SERPINB9: variants seen among roughly 807,000 people sequenced by gnomAD.
SERPINB9 encodes serpin family B member 9.
A neutral mutation model predicts 27.2 loss-of-function variants in SERPINB9; 20 were observed. The ratio of observed to expected loss-of-function variants is 0.74; its 90% CI spans 0.52 to 1.07. The LOEUF is 1.07. Among genes scored for constraint, SERPINB9 ranks in the 50% least tolerant of loss-of-function variants. SERPINB9 has a pLI of 0.00. For missense variants in SERPINB9, 476 were observed against 460.1 expected, an observed-to-expected ratio of 1.03 and a Z score of -0.32; for synonymous variants, 189 against 180.0, an observed-to-expected ratio of 1.05 and a Z score of -0.40.
rs1045586645 is a variant in SERPINB9, at chr6:2,903,179, C to A, written c.-11+22G>T. On this transcript the variant is annotated intron_variant, in intron 1 of 6. Transcript: ENST00000380698. The surrounding 1 kb of genome is among the most constrained non-coding windows in gnomAD (Gnocchi z 5.2). ...TCGCCACTCCCGTCCCCTACCCCAG[C>A]CGTGCGCGGGGACGCCCTCACCTGC... The A allele has an allele frequency of 1.3e-5, 2 of 152,322 alleles. No individual in the cohort carries two copies. The highest frequency in any genetic ancestry group is 4.8e-5 in the African/African-American group (2 of 41,464). The allele number at this position is 152,322 out of a possible 1,614,324, so 9.4% of individuals were successfully genotyped here.
chr6:2,890,402 C>G lies in SERPINB9; in HGVS notation c.892G>C (p.Ala298Pro). The G allele has an allele frequency of 6.2e-7, 1 of 1,614,192 alleles. No homozygotes were observed. Among genetic ancestry groups the G allele is most frequent in the Non-Finnish European group, 8.5e-7 (1 of 1,180,044 alleles). Residue 298 changes from alanine to proline, a missense_variant, in exon 7 of 7, where the codon GCT becomes CCT. Ala to Pro is a conservative substitution (Grantham distance 27). Transcript: ENST00000380698. This position sits in a 1 kb window ranked among gnomAD's most constrained non-coding sequence, Gnocchi z 6.2. ...TCCGCTGACATTGCCGACAAGTCAGCCTTGCCCTGTTGGAAGGCATCAACA... is the reference window on the plus strand; with the variant it reads ...TCCGCTGACATTGCCGACAAGTCAGGCTTGCCCTGTTGGAAGGCATCAACA... ...GIVDAFQQGK[A>P]DLSAMSAERD...
chr6:2,893,221 A>ATATAATATATATATT (rs1373009283), intron 5 of SERPINB9, among the ~76,000 whole-genome samples, 190 bp downstream of exon 5: 3 of 141,180 alleles, frequency 2.1e-5, no homozygotes, highest in African/African-American at 5.2e-5. Flanking sequence ...ACGTATATAT[A>ATATAATATATATATT]ATATATATAT....
chr6:2,891,712 T>G lies in SERPINB9; in HGVS notation c.723+121A>C. 1.1e-5 allele frequency: 13 copies of G among 1,181,138 alleles called. No homozygotes were observed. The highest frequency in any genetic ancestry group is 1.2e-5 in the Non-Finnish European group (10 of 852,120). The allele number at this position is 1,181,138 out of a possible 1,614,324, so 73.2% of individuals were successfully genotyped here. ...ACAAAAGTTCGATCCCAACGCCAAG[T>G]GCCTGCACAGTGTGCGTCTGCCGCA... On this transcript the variant is annotated intron_variant, in intron 6 of 6. Coordinates refer to ENST00000380698, the MANE Select transcript of SERPINB9 (RefSeq NM_004155.6). This position sits in a 1 kb window ranked among gnomAD's most constrained non-coding sequence, Gnocchi z 4.0.
chr6:2,899,744 C>T (rs928023268), intron 2 of SERPINB9: 4 of 285,418 alleles, frequency 1.4e-5, no homozygotes, highest in Admixed American at 4.9e-5. Context: ...TATTGAAAAG[C>T]GTCATCAAAG....
At chr6:2,900,854 C>G (rs115769930) in intron 1 of SERPINB9, among the ~76,000 whole-genome samples, 1,893 of 133,808 alleles carry the variant, frequency 0.014, 19 homozygotes, top group South Asian at 0.041. Flanking sequence ...GCAATAGCAA[C>G]AGAACTGGCT....
chr6:2,890,636 C>G lies in SERPINB9; in HGVS notation c.724-66G>C. On this transcript the variant is annotated intron_variant, in intron 6 of 6. Transcript: ENST00000380698. The surrounding 1 kb of genome is among the most constrained non-coding windows in gnomAD (Gnocchi z 6.2). ...GCACATGTACAAGCGCACAGGCACT[C>G]ACAGTTCCCTTCCTCCCCTTGCACG... 6.9e-7 allele frequency: 1 copy of G among 1,456,794 alleles called. No individual in the cohort carries two copies. The highest frequency in any genetic ancestry group is 9.4e-7 in the Non-Finnish European group (1 of 1,065,628). 90.2% of individuals were successfully genotyped at this position (1,456,794 alleles called of 1,614,324 possible). A position where few individuals can be genotyped will look rare whatever the true frequency, so the allele number is the denominator to read the frequency against.
chr6:2,892,443 T>TA (rs1341486101), intron 5 of SERPINB9, among the ~76,000 whole-genome samples: 1 of 152,136 alleles, frequency 6.6e-6, no homozygotes, highest in Non-Finnish European at 1.5e-5. Flanking sequence ...ACAGGGAGTA[T>TA]AAATGGATAC....
In SERPINB9 at chr6:2,891,499, T is replaced by C. The variant is rs1205329563; in HGVS notation, c.723+334A>G. ...AGGAGGCAATAACCCCGAGCAGTCATTTATGCTTTTAGAGTTAAAAGTCTG... is the reference window on the plus strand; with the variant it reads ...AGGAGGCAATAACCCCGAGCAGTCACTTATGCTTTTAGAGTTAAAAGTCTG... On this transcript the variant is annotated intron_variant, in intron 6 of 6. Transcript: ENST00000380698. This position sits in a 1 kb window ranked among gnomAD's most constrained non-coding sequence, Gnocchi z 4.0. 6.6e-6 allele frequency among the ~76,000 whole-genome samples: 1 copy of C among 152,156 alleles called. No homozygotes were observed. Among genetic ancestry groups the C allele is most frequent in the Non-Finnish European group, 1.5e-5 (1 of 68,034 alleles).
Position 2,900,546 on chromosome 6 carries a change from A to G in SERPINB9, c.66T>C (p.Asp22=). 1.2e-6 allele frequency: 2 copies of G among 1,614,206 alleles called. No homozygotes were observed. The highest frequency in any genetic ancestry group is 1.7e-6 in the Non-Finnish European group (2 of 1,180,028). The change falls in exon 2 of 7, where the codon GAT becomes GAC. Residue 22 remains aspartate (D), a synonymous_variant. Transcript: ENST00000380698. Reference sequence around the variant, plus strand: ...AACAGAACACGTTGTGCGAAGGGTTATCTTGACACAGTATCTTTAAAAGGC... The same window carrying G: ...AACAGAACACGTTGTGCGAAGGGTTGTCTTGACACAGTATCTTTAAAAGGC... The part of the protein sequence containing the change: ...AIRLLKILCQ[D]NPSHNVFCSP...
intron 5 of SERPINB9, 116 bp from the exon 6 acceptor site, chr6:2,892,104 CTAAAAAAA>C: frequency 1.5e-3 from 115 of 79,106 alleles, no homozygotes; most frequent in East Asian, 1.9e-3. Context: ...CCAGTTAACA[CTAAAAAAA>C]AAAAAAAAAA....
chr6:2,900,627 A>C lies in SERPINB9; in HGVS notation c.-10-6T>G. The C allele has an allele frequency of 1.9e-6, 3 of 1,612,956 alleles. No individual in the cohort carries two copies. The highest frequency in any genetic ancestry group is 2.5e-6 in the Non-Finnish European group (3 of 1,179,190). On this transcript the variant is annotated splice_region_variant and splice_polypyrimidine_tract_variant and intron_variant, in intron 1 of 6. Coordinates refer to ENST00000380698, the MANE Select transcript of SERPINB9 (RefSeq NM_004155.6). ...GAGTTTCCATGATGCAGGGCCTGGAAGGGAAGAATAAAGAGAAATGCAGTT... is the reference window on the plus strand; with the variant it reads ...GAGTTTCCATGATGCAGGGCCTGGACGGGAAGAATAAAGAGAAATGCAGTT...
intron 1 of SERPINB9, among the ~76,000 whole-genome samples, chr6:2,902,502 G>T (rs148739847): frequency 5.3e-4 from 80 of 152,228 alleles, no homozygotes; most frequent in Admixed American, 1.6e-3. Context: ...GTTGTTGTTG[G>T]TGGTGGTTTT....
chr6:2,897,348 C>T (rs1768035035), intron 2 of SERPINB9, among the ~76,000 whole-genome samples: 1 of 152,016 alleles, frequency 6.6e-6, no homozygotes, highest in Non-Finnish European at 1.5e-5. Context: ...TGCTGGTAAT[C>T]CCAGCTACTT....
intron 2 of SERPINB9, among the ~76,000 whole-genome samples, chr6:2,897,934 G>T (rs1180226586): frequency 2.0e-5 from 3 of 152,162 alleles, no homozygotes; most frequent in African/African-American, 7.2e-5. Flanking sequence ...GCCAGGCATG[G>T]TGACATGTGC....
intron 5 of SERPINB9, among the ~76,000 whole-genome samples, 199 bp from the exon 6 acceptor site, chr6:2,892,187 G>A (rs1767833821): frequency 6.7e-6 from 1 of 148,540 alleles, no homozygotes; most frequent in South Asian, 2.1e-4. Context: ...GTACCACCCT[G>A]GGAAAGGTTT....
rs1249004870 is a variant in SERPINB9 at position 2,891,728 on chromosome 6, G to A, written c.723+105C>T. 3 of 1,337,232 alleles carry A rather than the reference G, an allele frequency of 2.2e-6. No individual in the cohort carries two copies. The highest frequency in any genetic ancestry group is 3.0e-6 in the Non-Finnish European group (3 of 987,954). The allele number at this position is 1,337,232 out of a possible 1,614,324, so 82.8% of individuals were successfully genotyped here. A position where few individuals can be genotyped will look rare whatever the true frequency, so the allele number is the denominator to read the frequency against. On this transcript the variant is annotated intron_variant, in intron 6 of 6. Coordinates refer to ENST00000380698, the MANE Select transcript of SERPINB9 (RefSeq NM_004155.6). This position sits in a 1 kb window ranked among gnomAD's most constrained non-coding sequence, Gnocchi z 4.0. ...AACGCCAAGTGCCTGCACAGTGTGCGTCTGCCGCATCGCCAACTCAGAAGG... is the reference window on the plus strand; with the variant it reads ...AACGCCAAGTGCCTGCACAGTGTGCATCTGCCGCATCGCCAACTCAGAAGG...
chr6:2,899,828 G>A (rs1260335905), intron 2 of SERPINB9: 1 of 414,028 alleles, frequency 2.4e-6, no homozygotes, highest in Admixed American at 2.9e-5. Context: ...CTCAGGGATG[G>A]CGCTTTTCGG....
At position 2,890,244 on chromosome 6, in the gene SERPINB9, A is replaced by G; in HGVS notation, c.1050T>C (p.Cys350=). Residue 350 remains cysteine, a synonymous_variant, in exon 7 of 7, where the codon TGT becomes TGC. Transcript: ENST00000380698. This position sits in a 1 kb window ranked among gnomAD's most constrained non-coding sequence, Gnocchi z 6.2. ...TGAAGAAAAGGAAAGGGTGGTCAGC[A>G]CAGAACCTGGGGCCAGATTCCATGC... ...ECCMESGPRF[C]ADHPFLFFIR... 6.2e-7 allele frequency: 1 copy of G among 1,614,240 alleles called. No homozygotes were observed. The highest frequency in any genetic ancestry group is 8.5e-7 in the Non-Finnish European group (1 of 1,180,042).
chr6:2,888,515 T>C lies in SERPINB9; in HGVS notation c.*1648A>G, dbSNP rs1488861211. ...ATTTTATTTGGCCATAAAAATGAAG[T>C]GTTGATACATGCTACTATGTAAATA... On this transcript the variant is annotated 3_prime_UTR_variant, in exon 7 of 7. Coordinates refer to ENST00000380698, the MANE Select transcript of SERPINB9 (RefSeq NM_004155.6). 1.3e-5 allele frequency: 2 copies of C among 152,200 alleles called. No individual in the cohort carries two copies. The highest frequency in any genetic ancestry group is 4.8e-5 in the African/African-American group (2 of 41,442). The allele number at this position is 152,200 out of a possible 1,614,324, so 9.4% of individuals were successfully genotyped here.
Sources: allele counts gnomAD v4.1 joint callset (sites outside exome capture counted in the v4.1 genomes callset), GRCh38; gene constraint gnomAD v4.1.1; non-coding constraint Gnocchi (gnomAD v3.1); transcripts MANE v1.5; gene names NCBI Gene and HGNC (gene_info 2026-07-23, HGNC 2026-07-21).